KIAA0825: variants seen among roughly 807,000 people sequenced by gnomAD.
The protein encoded by KIAA0825 is uncharacterized protein KIAA0825.
KIAA0825 carries 119 observed loss-of-function variants against 147.6 expected under a neutral mutation model. The ratio of observed to expected loss-of-function variants is 0.81; its 90% CI spans 0.69 to 0.94. KIAA0825 has a LOEUF of 0.94. Among genes scored for constraint, KIAA0825 ranks in the 40% least tolerant of loss-of-function variants. The pLI is 0.00. For synonymous variants in KIAA0825, 470 were observed against 518.1 expected (o/e 0.91, Z 1.26); for missense variants, 1,381 against 1,472.7 (o/e 0.94, Z 1.02).
At position 94,574,320 on chromosome 5, in the gene KIAA0825, G is replaced by A. The variant is rs1044834999; in HGVS notation, c.-2+8113C>T. ...AGCACTTTGGGAGGCTGAGGTGGGAGGATCACAAGATCAGGAGTTCGAGAC... is the reference window on the plus strand; with the variant it reads ...AGCACTTTGGGAGGCTGAGGTGGGAAGATCACAAGATCAGGAGTTCGAGAC... On this transcript the variant is annotated intron_variant, in intron 2 of 20. Coordinates refer to ENST00000682413, the MANE Select transcript of KIAA0825 (RefSeq NM_001145678.3). Among the ~76,000 whole-genome samples the A allele has an allele frequency of 2.6e-5, 4 of 152,002 alleles. No homozygotes were observed. In the South Asian group the frequency reaches 6.2e-4, roughly 24 times the overall value.
At chr5:94,507,797 TG>T (rs1432717096) in intron 5 of KIAA0825, among the ~76,000 whole-genome samples, 1 of 151,856 alleles carries the variant, frequency 6.6e-6, no homozygotes, top group Non-Finnish European at 1.5e-5. Context: ...AAATCAGATA[TG>T]AAGTAGTTTA....
intron 20 of KIAA0825, among the ~76,000 whole-genome samples, chr5:94,263,169 GA>G (rs1299873580): frequency 6.6e-6 from 1 of 151,770 alleles, no homozygotes; most frequent in African/African-American, 2.4e-5. Flanking sequence ...CATCCAACCA[GA>G]AAAAAAATAG....
Position 94,520,619 on chromosome 5 carries a change from A to G in KIAA0825, c.599T>C (p.Leu200Ser). 6.2e-7 allele frequency: 1 copy of G among 1,613,396 alleles called. No homozygotes were observed. The highest frequency in any genetic ancestry group is 8.5e-7 in the Non-Finnish European group (1 of 1,179,518). ...LLKKQCLQQL[L>S]FLYPESEVII... The stretch of plus-strand genomic sequence containing the variant: ...AACTTCTGATTCTGGATAAAGAAAC[A>G]AGAGTTGTTGTAAGCACTGCTTTTT... The change falls in exon 5 of 21, where the codon TTG (leucine) becomes TCG (serine). Residue 200 changes from leucine (L) to serine (S), a missense_variant. Physicochemically the swap from Leu to Ser is moderately radical, Grantham distance 145. Coordinates refer to ENST00000682413, the MANE Select transcript of KIAA0825 (RefSeq NM_001145678.3).
intron 20 of KIAA0825, among the ~76,000 whole-genome samples, chr5:94,271,780 G>T (rs1777002094): frequency 6.6e-6 from 1 of 151,872 alleles, no homozygotes; most frequent in Non-Finnish European, 1.5e-5. Flanking sequence ...CCTAAAAATA[G>T]ACCTACCCTA....
intron 20 of KIAA0825, among the ~76,000 whole-genome samples, chr5:94,155,425 GC>G (rs1230864006): frequency 6.6e-6 from 1 of 151,908 alleles, no homozygotes; most frequent in East Asian, 1.9e-4. Flanking sequence ...CCCCTATGTT[GC>G]CCAGGCTCAT....
rs554577895 is a variant in KIAA0825 at position 94,562,967 on chromosome 5, G to A, written c.-2+19466C>T. Among the ~76,000 whole-genome samples, 17 of 152,064 alleles carry A rather than the reference G, an allele frequency of 1.1e-4. 1 individual carries two copies. Among genetic ancestry groups the A allele is most frequent in the Non-Finnish European group, 2.5e-4 (17 of 68,006 alleles). ...AATTCTGAAAAGTAACAGCTAATAA[G>A]TCAAATCATAAAACAGTTAAAATTT... On this transcript the variant is annotated intron_variant, in intron 2 of 20. Transcript: ENST00000682413.
chr5:94,435,356 G>C (rs1756215863), intron 14 of KIAA0825, among the ~76,000 whole-genome samples: 1 of 141,640 alleles, frequency 7.1e-6, no homozygotes, highest in Non-Finnish European at 1.5e-5. Flanking sequence ...TCATTGTTTA[G>C]CTCACATTTA....
At chr5:94,558,013 C>A (rs2152281241) in intron 2 of KIAA0825, among the ~76,000 whole-genome samples, 1 of 152,314 alleles carries the variant, frequency 6.6e-6, no homozygotes, top group East Asian at 1.9e-4. Context: ...CCTGATCAGG[C>A]TAAAAGTTTG....
At chr5:94,519,163 A>T in intron 5 of KIAA0825, 1 of 858,390 alleles carries the variant, frequency 1.2e-6, no homozygotes, top group Non-Finnish European at 1.4e-6. Context: ...GAGGAAAATT[A>T]AAATTTTAAG....
chr5:94,309,602 A>G (rs1445767540), intron 20 of KIAA0825, among the ~76,000 whole-genome samples: 4 of 151,766 alleles, frequency 2.6e-5, no homozygotes, highest in Admixed American at 2.6e-4. Context: ...GGCACTCAGC[A>G]TTGAGCCTTC....
At chr5:94,587,514 C>T (rs137879152) in intron 1 of KIAA0825, among the ~76,000 whole-genome samples, 1 of 152,174 alleles carries the variant, frequency 6.6e-6, no homozygotes, top group African/African-American at 2.4e-5. Flanking sequence ...TCAAGGAGAA[C>T]TACAAATCAC....
At chr5:94,375,103 C>T (rs1295827768) in intron 20 of KIAA0825, among the ~76,000 whole-genome samples, 1 of 148,374 alleles carries the variant, frequency 6.7e-6, no homozygotes, top group Non-Finnish European at 1.5e-5. Context: ...ACGACCTCGG[C>T]TCACTGCAAC....
intron 18 of KIAA0825, 83 bp from the exon 19 acceptor site, chr5:94,386,487 T>C (rs1749156043): frequency 8.8e-7 from 1 of 1,137,360 alleles, no homozygotes; most frequent in Non-Finnish European, 1.2e-6. Flanking sequence ...TCCAAATTTA[T>C]CCTTTCAGCA....
Position 94,551,538 on chromosome 5 carries a change from A to G in KIAA0825, c.-1-14411T>C, listed in dbSNP as rs373195597. Among the ~76,000 whole-genome samples the G allele has an allele frequency of 3.3e-5, 5 of 152,126 alleles. No individual in the cohort carries two copies. The East Asian group carries it at 9.6e-4, about 29-fold the overall frequency. ...CAGATTTCTCAGCAGAAATCTTACAAGCCTGGAGAGAATGGGATAATATAT... is the reference window on the plus strand; with the variant it reads ...CAGATTTCTCAGCAGAAATCTTACAGGCCTGGAGAGAATGGGATAATATAT... On this transcript the variant is annotated intron_variant, in intron 2 of 20. Transcript: ENST00000682413.
At chr5:94,164,238 T>G (rs1767827324) in intron 20 of KIAA0825, among the ~76,000 whole-genome samples, 1 of 152,002 alleles carries the variant, frequency 6.6e-6, no homozygotes, top group South Asian at 2.1e-4. Context: ...AGAGCCAAAA[T>G]AGCCAAAACA....
chr5:94,517,182 T>G (rs191521641), intron 5 of KIAA0825, among the ~76,000 whole-genome samples: 258 of 152,278 alleles, frequency 1.7e-3, no homozygotes, highest in African/African-American at 5.6e-3. Flanking sequence ...TGACACAGAG[T>G]TTAGTGGCAT....
At chr5:94,290,176 G>A (rs1488435307) in intron 20 of KIAA0825, among the ~76,000 whole-genome samples, 1 of 152,142 alleles carries the variant, frequency 6.6e-6, no homozygotes, top group East Asian at 1.9e-4. Context: ...GGATACCTGT[G>A]CAGAATGTGC....
intron 20 of KIAA0825, among the ~76,000 whole-genome samples, chr5:94,184,538 T>A (rs1769947898): frequency 6.6e-6 from 1 of 152,198 alleles, no homozygotes; most frequent in African/African-American, 2.4e-5. Context: ...TATCTGCTTT[T>A]TGTTCTTAGT....
At position 94,154,066 on chromosome 5, in the gene KIAA0825, A is replaced by G. The variant is rs1169666636; in HGVS notation, c.3769T>C (p.Leu1257=). ...EEEEKAILEH[L]KQICTPQNSS... ...TTCTGTGGGGTGCAAATTTGTTTTA[A>G]GTGCTCCAGTATTGCTTTTTCTTCC... The change falls in exon 21 of 21, where the codon TTA becomes CTA. Residue 1257 remains leucine, a synonymous_variant. Coordinates refer to ENST00000682413, the MANE Select transcript of KIAA0825 (RefSeq NM_001145678.3). 3 of 1,551,698 alleles carry G rather than the reference A, an allele frequency of 1.9e-6. No individual in the cohort carries two copies. The highest frequency in any genetic ancestry group is 8.7e-7 in the Non-Finnish European group (1 of 1,146,972).
Sources: allele counts gnomAD v4.1 joint callset (sites outside exome capture counted in the v4.1 genomes callset), GRCh38; gene constraint gnomAD v4.1.1; transcripts MANE v1.5; gene names NCBI Gene and HGNC (gene_info 2026-07-23, HGNC 2026-07-21).